VPS13B: variants seen among roughly 807,000 people sequenced by gnomAD.
The protein encoded by VPS13B is intermembrane lipid transfer protein VPS13B.
Under a neutral mutation model 426.4 loss-of-function variants are expected in VPS13B, and 285 were observed. The observed-to-expected ratio is 0.67, with a 90% CI of 0.61 to 0.74. The LOEUF (loss-of-function observed/expected upper bound fraction) is 0.74, where lower values mean the gene tolerates loss of function less well. Among genes scored for constraint, VPS13B ranks in the 30% least tolerant of loss-of-function variants. The probability of loss-of-function intolerance (pLI) is 0.00; values close to 1 mark genes in which losing one functional copy is unlikely to be tolerated. For synonymous variants in VPS13B, 1,676 were observed against 1,676.4 expected (o/e 1.00, Z 0.01); for missense variants, 4,537 against 4,782.6 (o/e 0.95, Z 1.51).
chr8:99,319,526 C>A (rs985678464), intron 19 of VPS13B, among the ~76,000 whole-genome samples: 5 of 152,154 alleles, frequency 3.3e-5, no homozygotes, highest in African/African-American at 1.2e-4. Flanking sequence ...TACGACTGTT[C>A]TTTGTTGTAA....
chr8:99,818,679 A>C (rs368044910), intron 46 of VPS13B, 34 bp from the exon 47 acceptor site: 16 of 1,612,574 alleles, frequency 9.9e-6, no homozygotes, highest in Middle Eastern at 3.3e-4. Flanking sequence ...AACAAAGCAA[A>C]TATGAAAGTT....
chr8:99,059,454 G>A, intron 3 of VPS13B, among the ~76,000 whole-genome samples: 1 of 152,114 alleles, frequency 6.6e-6, no homozygotes, highest in Non-Finnish European at 1.5e-5. Flanking sequence ...GGGATTACAG[G>A]CATGAGCCAC....
At chr8:99,832,308 C>A in intron 51 of VPS13B, 61 bp from the exon 52 acceptor site, 3 of 1,433,180 alleles carry the variant, frequency 2.1e-6, no homozygotes, top group Non-Finnish European at 2.7e-6. Context: ...AAGTTTAATT[C>A]TGCTGTATTA....
At chr8:99,135,279 C>T (rs1219815720) in intron 10 of VPS13B, 142 bp downstream of exon 10, 8 of 1,304,724 alleles carry the variant, frequency 6.1e-6, no homozygotes, top group Non-Finnish European at 8.4e-6. Context: ...CCCTGTGTTT[C>T]ACCTGCCAGA....
At chr8:99,679,302 CA>C (rs1831062171) in intron 35 of VPS13B, among the ~76,000 whole-genome samples, 1 of 151,968 alleles carries the variant, frequency 6.6e-6, no homozygotes, top group African/African-American at 2.4e-5. Flanking sequence ...ACATAGGCAC[CA>C]AAAAAGATAC....
intron 35 of VPS13B, among the ~76,000 whole-genome samples, chr8:99,676,004 GT>G (rs142294559): frequency 6.6e-6 from 1 of 150,424 alleles, no homozygotes; most frequent in Non-Finnish European, 1.5e-5. Flanking sequence ...TTCTAGTTTT[GT>G]TTTTTTTTAT....
intron 21 of VPS13B, among the ~76,000 whole-genome samples, chr8:99,418,736 T>C (rs1283798484): frequency 6.6e-6 from 1 of 151,998 alleles, no homozygotes; most frequent in African/African-American, 2.4e-5. Flanking sequence ...TCTTAGTTTT[T>C]CATGAAATTT....
At chr8:99,463,434 A>G (rs1291980736) in intron 23 of VPS13B, among the ~76,000 whole-genome samples, 1 of 152,080 alleles carries the variant, frequency 6.6e-6, no homozygotes, top group Non-Finnish European at 1.5e-5. Context: ...TACTATTATC[A>G]TTATTATTAC....
rs929199567 is a variant in VPS13B, at chr8:99,269,013, C to T, written c.2516-5185C>T. 5.7e-4 allele frequency among the ~76,000 whole-genome samples: 87 copies of T among 152,144 alleles called. 4 individuals are homozygous for T. The highest frequency in any genetic ancestry group is 5.4e-3 in the Admixed American group (83 of 15,264). On this transcript the variant is annotated intron_variant, in intron 17 of 61. Transcript: ENST00000357162. ...GGGGCTTTTCCCCCTTTGCTTGGCA[C>T]TTCTCTCTCCTGCCACCTTGTGAAG...
chr8:99,416,076 G>T (rs1203793075), intron 21 of VPS13B, among the ~76,000 whole-genome samples: 1 of 152,192 alleles, frequency 6.6e-6, no homozygotes, highest in East Asian at 1.9e-4. Flanking sequence ...ATAAGCCCCT[G>T]ACTGGGGCTG....
intron 20 of VPS13B, among the ~76,000 whole-genome samples, chr8:99,386,581 G>A (rs978977055): frequency 2.0e-5 from 3 of 152,106 alleles, no homozygotes; most frequent in African/African-American, 2.4e-5. Context: ...GTAAAAATAT[G>A]CCATTATAAT....
At chr8:99,387,590 A>G (rs1814197907) in intron 20 of VPS13B, among the ~76,000 whole-genome samples, 1 of 152,128 alleles carries the variant, frequency 6.6e-6, no homozygotes, top group Non-Finnish European at 1.5e-5. Context: ...TTAAAAATAT[A>G]CTTTAAAAAA....
At chr8:99,031,020 A>G (rs995105340) in intron 2 of VPS13B, among the ~76,000 whole-genome samples, 1 of 152,164 alleles carries the variant, frequency 6.6e-6, no homozygotes, top group Non-Finnish European at 1.5e-5. Context: ...ACTTTTGTTT[A>G]TATCAGTTAG....
At chr8:99,146,830 A>G (rs1810756071) in intron 13 of VPS13B, among the ~76,000 whole-genome samples, 1 of 152,082 alleles carries the variant, frequency 6.6e-6, no homozygotes. Flanking sequence ...TTGGCCTCCC[A>G]AAGTCCTGGG....
At chr8:99,212,660 T>TTCTCTTCCTACC (rs66643208) in intron 17 of VPS13B, among the ~76,000 whole-genome samples, 1 of 151,756 alleles carries the variant, frequency 6.6e-6, no homozygotes, top group African/African-American at 2.4e-5. Flanking sequence ...AGGTGGTCTT[T>TTCTCTTCCTACC]TTCTCTTCTT....
At chr8:99,276,176 G>T (rs1563642308) in intron 19 of VPS13B, among the ~76,000 whole-genome samples, 1 of 152,082 alleles carries the variant, frequency 6.6e-6, no homozygotes. Flanking sequence ...GTGCACAAAT[G>T]AATATATACA....
intron 17 of VPS13B, among the ~76,000 whole-genome samples, chr8:99,206,893 A>ACC (rs138832038): frequency 6.6e-5 from 1 of 15,118 alleles, no homozygotes; most frequent in African/African-American, 1.4e-4. Flanking sequence ...TAAGATATAT[A>ACC]TTTTTGAGAT....
At chr8:99,685,649 C>G (rs760563338) in intron 35 of VPS13B, among the ~76,000 whole-genome samples, 1 of 152,144 alleles carries the variant, frequency 6.6e-6, no homozygotes, top group Non-Finnish European at 1.5e-5. Context: ...ATGCATTCTT[C>G]AGTATATCAG....
chr8:99,187,444 T>C (rs1042097258), intron 16 of VPS13B, among the ~76,000 whole-genome samples: 2 of 152,226 alleles, frequency 1.3e-5, no homozygotes, highest in African/African-American at 4.8e-5. Context: ...TTTCTTTTGA[T>C]CTCTACTACT....
Sources: gnomAD v4.1 joint callset for allele counts (sites outside exome capture counted in the v4.1 genomes callset) on GRCh38, gnomAD v4.1.1 for gene constraint, MANE v1.5 for transcripts, NCBI Gene and HGNC (gene_info 2026-07-23, HGNC 2026-07-21) for gene names.